Variants in LHFPL3 observed in about 807,000 individuals in gnomAD.
LHFPL3 encodes LHFPL tetraspan subfamily member 3 protein.
In LHFPL3, 5 loss-of-function variants were observed where a neutral mutation model predicts 19.3. That is an observed-to-expected ratio of 0.26 (90% CI 0.14 to 0.54). LHFPL3 has a LOEUF of 0.54. Among genes scored for constraint, LHFPL3 ranks in the 20% least tolerant of loss-of-function variants. LHFPL3 has a pLI of 0.94. For synonymous variants in LHFPL3, 133 were observed against 126.2 expected, an observed-to-expected ratio of 1.05 and a Z score of -0.36; for missense variants, 249 against 307.4, an observed-to-expected ratio of 0.81 and a Z score of 1.42.
chr7:104,827,522 G>A (rs1169262661), intron 2 of LHFPL3, among the ~76,000 whole-genome samples: 1 of 151,790 alleles, frequency 6.6e-6, no homozygotes, highest in African/African-American at 2.4e-5. Context: ...ACCTTGCACA[G>A]AAAAGGAAAT....
intron 1 of LHFPL3, among the ~76,000 whole-genome samples, chr7:104,411,163 C>A (rs10275737): frequency 0.023 from 3,482 of 152,230 alleles, 132 homozygotes; most frequent in African/African-American, 0.079. Context: ...TGCTTGCTGG[C>A]AATCAGATGG....
chr7:104,340,838 A>G (rs1562869106), intron 1 of LHFPL3, among the ~76,000 whole-genome samples: 1 of 152,216 alleles, frequency 6.6e-6, no homozygotes, highest in South Asian at 2.1e-4. Context: ...AATGACTGAA[A>G]ATAATAGGAA....
intron 1 of LHFPL3, among the ~76,000 whole-genome samples, chr7:104,546,102 G>A (rs1477307067): frequency 6.6e-6 from 1 of 152,146 alleles, no homozygotes; most frequent in Middle Eastern, 3.2e-3. Context: ...TCAGAATCTA[G>A]TTCTGAGCTA....
At chr7:104,820,794 T>C (rs1364371315) in intron 2 of LHFPL3, among the ~76,000 whole-genome samples, 3 of 152,182 alleles carry the variant, frequency 2.0e-5, no homozygotes, top group Admixed American at 6.5e-5. Context: ...GTCCTGGCTA[T>C]ATCCTCTGCA....
At chr7:104,846,639 C>T (rs1791318898) in intron 2 of LHFPL3, among the ~76,000 whole-genome samples, 1 of 152,144 alleles carries the variant, frequency 6.6e-6, no homozygotes. Flanking sequence ...CTCCTCTTCC[C>T]ATCAAAGCAT....
intron 1 of LHFPL3, among the ~76,000 whole-genome samples, chr7:104,374,361 C>T (rs1790669686): frequency 6.6e-6 from 1 of 152,010 alleles, no homozygotes; most frequent in Non-Finnish European, 1.5e-5. Flanking sequence ...CCTGCCTCAG[C>T]CTCCCGAGTA....
chr7:104,607,886 T>C (rs1273355371), intron 1 of LHFPL3, among the ~76,000 whole-genome samples: 1 of 151,142 alleles, frequency 6.6e-6, no homozygotes, highest in East Asian at 2.0e-4. Context: ...AAAAAACACA[T>C]GAAAAAAAAA....
chr7:104,512,278 T>C (rs1225713210), intron 1 of LHFPL3, among the ~76,000 whole-genome samples: 3 of 151,800 alleles, frequency 2.0e-5, no homozygotes, highest in Non-Finnish European at 4.4e-5. Context: ...CTTTATAGAG[T>C]ATTTTAAACA....
chr7:104,670,013 T>G (rs1299533083), intron 1 of LHFPL3, among the ~76,000 whole-genome samples: 1 of 152,202 alleles, frequency 6.6e-6, no homozygotes, highest in Non-Finnish European at 1.5e-5. Flanking sequence ...TCTCAAACAT[T>G]ATCTGAATAA....
At chr7:104,699,417 G>T (rs1222536826) in intron 1 of LHFPL3, among the ~76,000 whole-genome samples, 1 of 152,204 alleles carries the variant, frequency 6.6e-6, no homozygotes, top group East Asian at 1.9e-4. Flanking sequence ...CCATAACCTT[G>T]AAGACATGCT....
intron 1 of LHFPL3, among the ~76,000 whole-genome samples, chr7:104,526,103 T>C (rs1264381091): frequency 6.6e-6 from 1 of 152,162 alleles, no homozygotes; most frequent in Non-Finnish European, 1.5e-5. Context: ...TGATGTCACA[T>C]GAGTCCCATT....
At chr7:104,498,459 A>G (rs1793531997) in intron 1 of LHFPL3, among the ~76,000 whole-genome samples, 1 of 150,814 alleles carries the variant, frequency 6.6e-6, no homozygotes, top group Admixed American at 6.6e-5. Flanking sequence ...TATTTGTTGC[A>G]TTCACATATA....
chr7:104,815,813 G>A (rs1790550908), intron 2 of LHFPL3, among the ~76,000 whole-genome samples: 1 of 152,102 alleles, frequency 6.6e-6, no homozygotes, highest in South Asian at 2.1e-4. Context: ...TGGCTTATTG[G>A]GAGACACAGG....
At chr7:104,671,154 G>T (rs1412319418) in intron 1 of LHFPL3, among the ~76,000 whole-genome samples, 1 of 152,070 alleles carries the variant, frequency 6.6e-6, no homozygotes, top group Non-Finnish European at 1.5e-5. Context: ...GTGGACAAAG[G>T]TGTGTACCAA....
At chr7:104,727,779 A>G (rs1435960999) in intron 1 of LHFPL3, among the ~76,000 whole-genome samples, 1 of 152,204 alleles carries the variant, frequency 6.6e-6, no homozygotes, top group East Asian at 1.9e-4. Context: ...TGTGAGGTTC[A>G]ACCCAAGTGT....
chr7:104,561,590 TG>T (rs1297155246), intron 1 of LHFPL3, among the ~76,000 whole-genome samples: 1 of 152,136 alleles, frequency 6.6e-6, no homozygotes, highest in Non-Finnish European at 1.5e-5. Flanking sequence ...GCATGTGAGA[TG>T]GGTTTCCTGA....
chr7:104,526,796 C>A (rs936216494), intron 1 of LHFPL3, among the ~76,000 whole-genome samples: 1 of 152,172 alleles, frequency 6.6e-6, no homozygotes, highest in Non-Finnish European at 1.5e-5. Context: ...GGGACAGACA[C>A]CCACTCATTC....
chr7:104,572,341 C>T (rs1429280358), intron 1 of LHFPL3, among the ~76,000 whole-genome samples: 1 of 152,116 alleles, frequency 6.6e-6, no homozygotes, highest in Non-Finnish European at 1.5e-5. Flanking sequence ...GGAGATGTGG[C>T]TTTAGAGCAA....
chr7:104,575,927 G>A (rs1790329709), intron 1 of LHFPL3, among the ~76,000 whole-genome samples: 1 of 152,072 alleles, frequency 6.6e-6, no homozygotes, highest in African/African-American at 2.4e-5. Flanking sequence ...TAATCTTTTT[G>A]GAAAGGGTGG....
Sources: allele counts gnomAD v4.1 joint callset (sites outside exome capture counted in the v4.1 genomes callset), GRCh38; gene constraint gnomAD v4.1.1; transcripts MANE v1.5; gene names NCBI Gene and HGNC (gene_info 2026-07-23, HGNC 2026-07-21).